SPHK2: variants seen among roughly 807,000 people sequenced by gnomAD.
SPHK2 encodes sphingosine kinase 2.
A neutral mutation model predicts 32.3 loss-of-function variants in SPHK2; 18 were observed. That is an observed-to-expected ratio of 0.56 (90% CI 0.39 to 0.83). The LOEUF (loss-of-function observed/expected upper bound fraction) is 0.83, where lower values mean the gene tolerates loss of function less well. SPHK2 is among the 40% of genes least tolerant of loss of function. SPHK2 has a pLI of 0.00. For missense variants in SPHK2, 850 were observed against 908.7 expected, an observed-to-expected ratio of 0.94 and a Z score of 0.83; for synonymous variants, 462 against 417.6, an observed-to-expected ratio of 1.11 and a Z score of -1.30.
intron 1 of SPHK2, among the ~76,000 whole-genome samples, chr19:48,620,114 C>A (rs1050676619): frequency 3.2e-5 from 1 of 31,724 alleles, no homozygotes; most frequent in African/African-American, 1.4e-4. Context: ...TGACAACAGG[C>A]CTGGCACACA....
In SPHK2 at chr19:48,625,007, G is replaced by C; in HGVS notation, c.40-884G>C. The C allele has an allele frequency of 3.0e-6, 3 of 987,616 alleles. No individual in the cohort carries two copies. In the South Asian group the frequency reaches 1.4e-4, roughly 46 times the overall value. 61.2% of individuals were successfully genotyped at this position (987,616 alleles called of 1,614,324 possible). ...AGAATCCGGGCAGAGGGCAGGGAGA[G>C]GGCCTGTGGGGAAGGGACCTCAGTC... On this transcript the variant is annotated intron_variant, in intron 2 of 6. Coordinates refer to ENST00000245222, the MANE Select transcript of SPHK2 (RefSeq NM_020126.5).
chr19:48,628,041 C>CG lies in SPHK2; in HGVS notation c.730dup (p.Val244GlyfsTer9). 1 of 1,594,780 alleles carries CG rather than the reference C, an allele frequency of 6.3e-7. No individual in the cohort carries two copies. Among genetic ancestry groups the CG allele is most frequent in the Non-Finnish European group, 8.6e-7 (1 of 1,167,072 alleles). On this transcript the variant is annotated frameshift_variant, in exon 5 of 7. Coordinates refer to ENST00000245222, the MANE Select transcript of SPHK2 (RefSeq NM_020126.5). LOFTEE classifies it high-confidence loss of function. This position sits in a 1 kb window ranked among gnomAD's most constrained non-coding sequence, Gnocchi z 5.2. ...CTGAGTGAGTGGGATGGCATCGTCACGGTCTCGGGAGACGGGCTGCTCCAT... is the reference window on the plus strand; with the variant it reads ...CTGAGTGAGTGGGATGGCATCGTCACGGGTCTCGGGAGACGGGCTGCTCCAT...
At position 48,628,524 on chromosome 19, in the gene SPHK2, G is replaced by C. The variant is rs767979536; in HGVS notation, c.873-157G>C. 13 of 979,522 alleles carry C rather than the reference G, an allele frequency of 1.3e-5. No individual in the cohort carries two copies. The allele number at this position is 979,522 out of a possible 1,614,324, so 60.7% of individuals were successfully genotyped here. On this transcript the variant is annotated intron_variant, in intron 6 of 6. Coordinates refer to ENST00000245222, the MANE Select transcript of SPHK2 (RefSeq NM_020126.5). The surrounding 1 kb of genome is among the most constrained non-coding windows in gnomAD (Gnocchi z 5.2). ...GCAAATGAAAGATGACCAGGAACCTGGCCCCGTAAGGAGTCGCCTGGAGGT... is the reference window on the plus strand; with the variant it reads ...GCAAATGAAAGATGACCAGGAACCTCGCCCCGTAAGGAGTCGCCTGGAGGT...
chr19:48,629,409 T>C lies in SPHK2; in HGVS notation c.1601T>C (p.Leu534Pro). ...GTPLPPDWVT[L>P]EGDFVLMLAI... ...CCGCTGCCCCCAGACTGGGTGACGC[T>C]GGAGGGGGACTTTGTGCTCATGTTG... Residue 534 changes from leucine to proline, a missense_variant, in exon 7 of 7, where the codon CTG (leucine) becomes CCG (proline). Leu to Pro is a moderately conservative substitution (Grantham distance 98). Transcript: ENST00000245222. 6.2e-7 allele frequency: 1 copy of C among 1,611,532 alleles called. No individual in the cohort carries two copies. Among genetic ancestry groups the C allele is most frequent in the Non-Finnish European group, 8.5e-7 (1 of 1,179,480 alleles).
chr19:48,629,364 TGCTGCCTCCGCTGGGCACCCC>T lies in SPHK2; in HGVS notation c.1563_1583del (p.Leu523_Pro529del). The T allele has an allele frequency of 6.2e-7, 1 of 1,612,236 alleles. No homozygotes were observed. ...TCCACCTGCGGCCCGCCCGACCACC[TGCTGCCTCCGCTGGGCACCCC>T]GCTGCCCCCAGACTGGGTGACGCTG... On this transcript the variant is annotated inframe_deletion, in exon 7 of 7. Coordinates refer to ENST00000245222, the MANE Select transcript of SPHK2 (RefSeq NM_020126.5).
In SPHK2 at chr19:48,630,399, C is replaced by G. The variant is rs1316815626; in HGVS notation, c.*626C>G. 2 of 1,388,922 alleles carry G rather than the reference C, an allele frequency of 1.4e-6. No homozygotes were observed. Among genetic ancestry groups the G allele is most frequent in the African/African-American group, 2.9e-5 (2 of 67,920 alleles). The allele number at this position is 1,388,922 out of a possible 1,614,324, so 86.0% of individuals were successfully genotyped here. A position where few individuals can be genotyped will look rare whatever the true frequency, so the allele number is the denominator to read the frequency against. Reference sequence around the variant, plus strand: ...ATGCAATAAAGGCAGTCGCTTCATTCCTCTCAGACCTTCTGCCCTTCCTCC... The same window carrying G: ...ATGCAATAAAGGCAGTCGCTTCATTGCTCTCAGACCTTCTGCCCTTCCTCC... On this transcript the variant is annotated 3_prime_UTR_variant, in exon 7 of 7. Transcript: ENST00000245222. The surrounding 1 kb of genome is among the most constrained non-coding windows in gnomAD (Gnocchi z 4.9).
At position 48,626,060 on chromosome 19, in the gene SPHK2, C is replaced by T. The variant is rs201012558; in HGVS notation, c.209C>T (p.Thr70Ile). 1.4e-4 allele frequency: 227 copies of T among 1,613,248 alleles called. 1 individual carries two copies. The highest frequency in any genetic ancestry group is 1.8e-4 in the Admixed American group (11 of 59,996). Residue 70 changes from threonine to isoleucine, a missense_variant, in exon 3 of 7, where the codon ACA (threonine) becomes ATA (isoleucine). Thr to Ile is a moderately conservative substitution (Grantham distance 89, BLOSUM62 -1). Around this residue, in one of 2 missense-constraint regions of SPHK2, gnomAD observed 544 missense variants for 640.0 expected, o/e 0.85. Transcript: ENST00000245222. ...ARGPRFALTL[T>I]SQALHIQRLR... is the part of the protein sequence containing the mutation. ...GGCCCACGCTTTGCCCTCACCCTTA[C>T]ATCGCAGGCCCTGCACATACAGCGG...
chr19:48,628,976 C>T lies in SPHK2; in HGVS notation c.1168C>T (p.Pro390Ser), dbSNP rs569772759. ...CACTGTGGAACCTGCCTCGCCCACC[C>T]CTGCCCATAGCCTGCCTCGTGCCAA... Reference protein sequence around the residue: ...PATVEPASPTPAHSLPRAKSE... With the variant: ...PATVEPASPTSAHSLPRAKSE... The change falls in exon 7 of 7, where the codon CCT (proline) becomes TCT (serine). Residue 390 changes from proline (P) to serine (S), a missense_variant. Physicochemically the swap from Pro to Ser is moderately conservative, Grantham distance 74. Around this residue, in one of 2 missense-constraint regions of SPHK2, gnomAD observed 544 missense variants for 640.0 expected, o/e 0.85. Transcript: ENST00000245222. The surrounding 1 kb of genome is among the most constrained non-coding windows in gnomAD (Gnocchi z 5.2). 2.5e-6 allele frequency: 4 copies of T among 1,613,736 alleles called. No individual in the cohort carries two copies. Among genetic ancestry groups the T allele is most frequent in the Admixed American group, 1.7e-5 (1 of 60,028 alleles).
chr19:48,621,826 T>G (rs960098050), intron 2 of SPHK2, among the ~76,000 whole-genome samples: 3 of 152,212 alleles, frequency 2.0e-5, no homozygotes. Context: ...AAACATGTTT[T>G]AGGACTTGAG....
Position 48,629,610 on chromosome 19 carries a change from G to C in SPHK2, c.1802G>C (p.Gly601Ala), listed in dbSNP as rs61751862. ...SHFSLGCPQL[G>A]YAAARAFRLE... ...TTCAGCCTGGGCTGTCCGCAGCTGG[G>C]CTACGCCGCGGCCCGTGCCTTCCGC... is the stretch of plus-strand genomic sequence containing the variant. The change falls in exon 7 of 7, where the codon GGC becomes GCC. Residue 601 changes from glycine (G) to alanine (A), a missense_variant. This residue lies in a region of SPHK2 where 306 missense variants were observed against 268.6 expected (regional missense o/e 1.14). Coordinates refer to ENST00000245222, the MANE Select transcript of SPHK2 (RefSeq NM_020126.5). 18,810 of 1,598,444 alleles carry C rather than the reference G, an allele frequency of 0.012. 144 individuals are homozygous for C. Among genetic ancestry groups the C allele is most frequent in the Non-Finnish European group, 0.013 (15,281 of 1,173,020 alleles).
At position 48,628,246 on chromosome 19, in the gene SPHK2, G is replaced by T; in HGVS notation, c.841G>T (p.Ala281Ser). The T allele has an allele frequency of 6.2e-7, 1 of 1,613,596 alleles. No individual in the cohort carries two copies. ...CATCCTCCCCTGCGGCTCGGGCAAC[G>T]CGCTGGCCGGAGCAGTGAACCAGCA... ...VGILPCGSGNALAGAVNQHGG... is the reference protein window; with the variant it reads ...VGILPCGSGNSLAGAVNQHGG... Residue 281 changes from alanine to serine, a missense_variant, in exon 6 of 7, where the codon GCG becomes TCG. Physicochemically the swap from Ala to Ser is moderately conservative, Grantham distance 99. Around this residue, in one of 2 missense-constraint regions of SPHK2, gnomAD observed 544 missense variants for 640.0 expected, o/e 0.85. Transcript: ENST00000245222. This position sits in a 1 kb window ranked among gnomAD's most constrained non-coding sequence, Gnocchi z 5.2.
rs1456478273 is a variant in SPHK2 at position 48,628,522 on chromosome 19, C to G, written c.873-159C>G. 4.1e-6 allele frequency: 4 copies of G among 980,896 alleles called. No individual in the cohort carries two copies. In the Admixed American group the frequency reaches 5.1e-5, roughly 13 times the overall value. The allele number at this position is 980,896 out of a possible 1,614,324, so 60.8% of individuals were successfully genotyped here. On this transcript the variant is annotated intron_variant, in intron 6 of 6. Transcript: ENST00000245222. This position sits in a 1 kb window ranked among gnomAD's most constrained non-coding sequence, Gnocchi z 5.2. ...GAGCAAATGAAAGATGACCAGGAAC[C>G]TGGCCCCGTAAGGAGTCGCCTGGAG...
rs757514813 is a variant in SPHK2, at chr19:48,626,011, G to C, written c.160G>C (p.Glu54Gln). The change falls in exon 3 of 7, where the codon GAG becomes CAG. Residue 54 changes from glutamate to glutamine, a missense_variant. By Grantham distance (29) the Glu-to-Gln change is conservative. This residue lies in a region of SPHK2 where 544 missense variants were observed against 640.0 expected (regional missense o/e 0.85). Coordinates refer to ENST00000245222, the MANE Select transcript of SPHK2 (RefSeq NM_020126.5). Reference protein sequence around the residue: ...LAASTPLLHGEFGSYPARGPR... With the variant: ...LAASTPLLHGQFGSYPARGPR... ...TGCCAGCACCCCGCTCCTCCATGGC[G>C]AGTTTGGCTCCTACCCAGCCCGAGG... The C allele has an allele frequency of 1.2e-6, 2 of 1,613,424 alleles. No individual in the cohort carries two copies. Among genetic ancestry groups the C allele is most frequent in the Non-Finnish European group, 8.5e-7 (1 of 1,179,912 alleles).
In SPHK2 at chr19:48,629,763, G is replaced by A. The variant is rs11881285; in HGVS notation, c.1955G>A (p.Arg652Gln). 14,375 of 1,571,726 alleles carry A rather than the reference G, an allele frequency of 9.1e-3. 1,154 individuals are homozygous for A. The African/African-American group carries it at 0.17, about 19-fold the overall frequency. ...ACTGGGCCTCCTGGCTGCCCGGGGC[G>A]GGAGCCCTGAAACTAAACAAGCTTG... is the stretch of plus-strand genomic sequence containing the variant. ...LLTGPPGCPG[R>Q]EP The change falls in exon 7 of 7, where the codon CGG becomes CAG. Residue 652 changes from arginine (R) to glutamine (Q), a missense_variant. This residue lies in a region of SPHK2 where 306 missense variants were observed against 268.6 expected (regional missense o/e 1.14). Transcript: ENST00000245222.
At position 48,628,027 on chromosome 19, in the gene SPHK2, G is replaced by C; in HGVS notation, c.714G>C (p.Trp238Cys). ...ELVQGLSLSE[W>C]DGIVTVSGDG... Reference sequence around the variant, plus strand: ...TCCAGGGGCTGAGCCTGAGTGAGTGGGATGGCATCGTCACGGTCTCGGGAG... The same window carrying C: ...TCCAGGGGCTGAGCCTGAGTGAGTGCGATGGCATCGTCACGGTCTCGGGAG... Residue 238 changes from tryptophan (W) to cysteine (C), a missense_variant, in exon 5 of 7, where the codon TGG becomes TGC. Physicochemically the swap from Trp to Cys is radical, Grantham distance 215. Around this residue, in one of 2 missense-constraint regions of SPHK2, gnomAD observed 544 missense variants for 640.0 expected, o/e 0.85. Coordinates refer to ENST00000245222, the MANE Select transcript of SPHK2 (RefSeq NM_020126.5). This position sits in a 1 kb window ranked among gnomAD's most constrained non-coding sequence, Gnocchi z 5.2. The C allele has an allele frequency of 6.3e-7, 1 of 1,596,496 alleles. No homozygotes were observed. The highest frequency in any genetic ancestry group is 1.3e-5 in the African/African-American group (1 of 74,620).
At position 48,627,814 on chromosome 19, in the gene SPHK2, G is replaced by C. The variant is rs2030061184; in HGVS notation, c.634G>C (p.Gly212Arg). Residue 212 changes from glycine (G) to arginine (R), a missense_variant, in exon 4 of 7, where the codon GGG becomes CGG. Around this residue, in one of 2 missense-constraint regions of SPHK2, gnomAD observed 544 missense variants for 640.0 expected, o/e 0.85. Coordinates refer to ENST00000245222, the MANE Select transcript of SPHK2 (RefSeq NM_020126.5). ...CGTGCTTCCCATGATCTCTGAAGCT[G>C]GGCTGTCCTTCAACCTCATCCAGAC... The part of the protein sequence containing the change: ...NHVLPMISEA[G>R]LSFNLIQTER... The C allele has an allele frequency of 1.9e-6, 3 of 1,613,332 alleles. No individual in the cohort carries two copies. Among genetic ancestry groups the C allele is most frequent in the Non-Finnish European group, 8.5e-7 (1 of 1,179,660 alleles).
In SPHK2 at chr19:48,627,995, G is replaced by C; in HGVS notation, c.682G>C (p.Glu228Gln). Residue 228 changes from glutamate (E) to glutamine (Q), a missense_variant, in exon 5 of 7, where the codon GAG becomes CAG. Glu to Gln is a conservative substitution (Grantham distance 29). Around this residue, in one of 2 missense-constraint regions of SPHK2, gnomAD observed 544 missense variants for 640.0 expected, o/e 0.85. Coordinates refer to ENST00000245222, the MANE Select transcript of SPHK2 (RefSeq NM_020126.5). Reference sequence around the variant, plus strand: ...TTCAGAACGACAGAACCACGCCCGGGAGCTGGTCCAGGGGCTGAGCCTGAG... The same window carrying C: ...TTCAGAACGACAGAACCACGCCCGGCAGCTGGTCCAGGGGCTGAGCCTGAG... ...IQTERQNHARELVQGLSLSEW... is the reference protein window; with the variant it reads ...IQTERQNHARQLVQGLSLSEW... The C allele has an allele frequency of 6.3e-7, 1 of 1,589,928 alleles. No homozygotes were observed. Among genetic ancestry groups the C allele is most frequent in the Non-Finnish European group, 8.6e-7 (1 of 1,165,018 alleles).
At chr19:48,620,846 C>A in intron 2 of SPHK2, 1 of 278,824 alleles carries the variant, frequency 3.6e-6, no homozygotes, top group Non-Finnish European at 6.9e-6. Flanking sequence ...ATCATTTGAA[C>A]CCGGGAGGCA....
chr19:48,621,172 C>G (rs770272068), intron 2 of SPHK2, among the ~76,000 whole-genome samples: 1 of 152,042 alleles, frequency 6.6e-6, no homozygotes, highest in African/African-American at 2.4e-5. Flanking sequence ...CTCCGCCTCC[C>G]GGGTTCAAGC....
Sources: gnomAD v4.1 joint callset for allele counts (sites outside exome capture counted in the v4.1 genomes callset) on GRCh38, gnomAD v4.1.1 for gene constraint, gnomAD v4.1.1 regional missense constraint, Gnocchi (gnomAD v3.1) non-coding constraint, MANE v1.5 for transcripts, NCBI Gene and HGNC (gene_info 2026-07-23, HGNC 2026-07-21) for gene names.